CLOCK: variants seen among roughly 807,000 people sequenced by gnomAD.
CLOCK encodes circadian locomoter output cycles protein kaput.
In CLOCK, 43 loss-of-function variants were observed where a neutral mutation model predicts 118.4. The observed-to-expected ratio is 0.36, with a 90% CI of 0.28 to 0.47. CLOCK has a LOEUF of 0.47. CLOCK is among the 20% of genes least tolerant of loss of function. The pLI is 1.00. For missense variants in CLOCK, 846 were observed against 999.9 expected (o/e 0.85, Z 2.08); for synonymous variants, 326 against 339.2 (o/e 0.96, Z 0.43).
chr4:55,508,591 T>TA (rs1728951746), intron 2 of CLOCK, among the ~76,000 whole-genome samples: 1 of 117,410 alleles, frequency 8.5e-6, no homozygotes, highest in East Asian at 2.8e-4. Flanking sequence ...GCCACACGGG[T>TA]AAATTTTTTT....
In CLOCK at chr4:55,461,340, G is replaced by A. The variant is rs774267504; in HGVS notation, c.560-2079C>T. Among the ~76,000 whole-genome samples the A allele has an allele frequency of 8.7e-4, 133 of 152,174 alleles. 2 individuals are homozygous for A. The highest frequency in any genetic ancestry group is 4.7e-4 in the Non-Finnish European group (32 of 68,016). On this transcript the variant is annotated intron_variant, in intron 9 of 22. Coordinates refer to ENST00000513440, the MANE Select transcript of CLOCK (RefSeq NM_004898.4). ...TTTTTAATCTCCCAAACCAGATGAC[G>A]AAAGTGGCAGCAACTTTTATAAGCA...
At chr4:55,491,284 T>C (rs1252690591) in intron 2 of CLOCK, among the ~76,000 whole-genome samples, 1 of 136,386 alleles carries the variant, frequency 7.3e-6, no homozygotes, top group Non-Finnish European at 1.6e-5. Flanking sequence ...AATGCAACTT[T>C]ATACCTCAAA....
chr4:55,459,410 T>G (rs1162240481), intron 9 of CLOCK, 149 bp from the exon 10 acceptor site: 1 of 638,160 alleles, frequency 1.6e-6, no homozygotes, highest in South Asian at 1.9e-5. Flanking sequence ...TTCATAAAAG[T>G]AGAGCACCTT....
At chr4:55,522,491 A>C (rs1266102761) in intron 1 of CLOCK, among the ~76,000 whole-genome samples, 1 of 150,826 alleles carries the variant, frequency 6.6e-6, no homozygotes, top group East Asian at 1.9e-4. Context: ...ACCAGTAATA[A>C]ACTGTTTTTT....
intron 16 of CLOCK, 93 bp downstream of exon 16, chr4:55,449,998 T>G: frequency 6.9e-7 from 1 of 1,446,322 alleles, no homozygotes; most frequent in Non-Finnish European, 9.6e-7. Flanking sequence ...CTTATAATTT[T>G]AAAGAAGCGT....
chr4:55,488,392 G>A (rs1182988105), intron 3 of CLOCK, among the ~76,000 whole-genome samples: 1 of 152,120 alleles, frequency 6.6e-6, no homozygotes, highest in Non-Finnish European at 1.5e-5. Context: ...ATATCCAACT[G>A]CTTTTTAGAC....
At chr4:55,481,544 A>ATGG in intron 4 of CLOCK, among the ~76,000 whole-genome samples, 2 of 152,332 alleles carry the variant, frequency 1.3e-5, no homozygotes, top group East Asian at 3.9e-4. Flanking sequence ...AGCTATTGAC[A>ATGG]TGGTGCAGGC....
chr4:55,513,605 T>C (rs758533188), intron 1 of CLOCK, among the ~76,000 whole-genome samples: 5 of 152,156 alleles, frequency 3.3e-5, no homozygotes, highest in Non-Finnish European at 7.4e-5. Flanking sequence ...TTTTGTTCTT[T>C]TCTTTCAATT....
chr4:55,529,454 C>T lies in CLOCK; in HGVS notation c.-290+17328G>A, dbSNP rs140064263. Among the ~76,000 whole-genome samples, 997 of 152,184 alleles carry T rather than the reference C, an allele frequency of 6.6e-3. 17 individuals carry two copies. The highest frequency in any genetic ancestry group is 0.022 in the African/African-American group (927 of 41,496). ...TTATTAAAGGCATGAGCCACTATGTCCCACCCAGACCAAGACAAATAAATA... is the reference window on the plus strand; with the variant it reads ...TTATTAAAGGCATGAGCCACTATGTTCCACCCAGACCAAGACAAATAAATA... On this transcript the variant is annotated intron_variant, in intron 1 of 22. Coordinates refer to ENST00000513440, the MANE Select transcript of CLOCK (RefSeq NM_004898.4).
intron 1 of CLOCK, among the ~76,000 whole-genome samples, chr4:55,532,172 G>A (rs369830484): frequency 2.0e-5 from 3 of 151,966 alleles, no homozygotes; most frequent in Non-Finnish European, 2.9e-5. Context: ...AAACTACCTC[G>A]ACATAATAAA....
chr4:55,459,926 T>TTATA (rs1360988221), intron 9 of CLOCK, among the ~76,000 whole-genome samples: 2 of 152,160 alleles, frequency 1.3e-5, no homozygotes, highest in African/African-American at 4.8e-5. Context: ...AGTGGAGGGA[T>TTATA]TATAGGCGAG....
Position 55,432,855 on chromosome 4 carries a change from A to G in CLOCK, c.*2560T>C, listed in dbSNP as rs978615863. ...AAAATTTTAATTTTTTCCCCCGACTATTTGTGGAGATGGGAAATAATTGAA... is the reference window on the plus strand; with the variant it reads ...AAAATTTTAATTTTTTCCCCCGACTGTTTGTGGAGATGGGAAATAATTGAA... On this transcript the variant is annotated 3_prime_UTR_variant, in exon 23 of 23. Coordinates refer to ENST00000513440, the MANE Select transcript of CLOCK (RefSeq NM_004898.4). 5 of 152,440 alleles carry G rather than the reference A, an allele frequency of 3.3e-5. No individual in the cohort carries two copies. The highest frequency in any genetic ancestry group is 1.9e-4 in the East Asian group (1 of 5,184). The allele number at this position is 152,440 out of a possible 1,614,324, so 9.4% of individuals were successfully genotyped here.
chr4:55,540,223 G>A (rs1017177751), intron 1 of CLOCK, among the ~76,000 whole-genome samples: 2 of 151,932 alleles, frequency 1.3e-5, no homozygotes, highest in Non-Finnish European at 2.9e-5. Context: ...GGCCAGGCTG[G>A]TCTCAAACTC....
At chr4:55,438,814 CACAG>C (rs1723108646) in intron 21 of CLOCK, among the ~76,000 whole-genome samples, 1 of 152,190 alleles carries the variant, frequency 6.6e-6, no homozygotes, top group African/African-American at 2.4e-5. Context: ...TACCTCACAT[CACAG>C]ACAAAGATTA....
chr4:55,431,519 T>C lies in CLOCK; in HGVS notation c.*3896A>G, dbSNP rs1455596710. ...AAGTGCCTTTGTGCTGTTTCTTCTC[T>C]ACCATTCAAAAATTCCAATCAGCTT... On this transcript the variant is annotated 3_prime_UTR_variant, in exon 23 of 23. Transcript: ENST00000513440. 6.6e-6 allele frequency: 1 copy of C among 151,308 alleles called. No homozygotes were observed. Among genetic ancestry groups the C allele is most frequent in the Admixed American group, 6.5e-5 (1 of 15,276 alleles). 9.4% of individuals were successfully genotyped at this position (151,308 alleles called of 1,614,324 possible).
intron 9 of CLOCK, among the ~76,000 whole-genome samples, chr4:55,459,468 G>A (rs1357155391): frequency 1.3e-5 from 2 of 152,100 alleles, no homozygotes; most frequent in Non-Finnish European, 2.9e-5. Context: ...AGATTTTCTG[G>A]TGCAAACAAC....
Position 55,427,962 on chromosome 4 carries a change from C to A in CLOCK, c.*7453G>T, listed in dbSNP as rs1722303131. ...TTTAAAATCCAAAATGTGATTCTTACAAGTTATGTGCCACATGAAGCAGGT... is the reference window on the plus strand; with the variant it reads ...TTTAAAATCCAAAATGTGATTCTTAAAAGTTATGTGCCACATGAAGCAGGT... On this transcript the variant is annotated 3_prime_UTR_variant, in exon 23 of 23. Transcript: ENST00000513440. 1 of 152,154 alleles carries A rather than the reference C, an allele frequency of 6.6e-6. No individual in the cohort carries two copies. Among genetic ancestry groups the A allele is most frequent in the African/African-American group, 2.4e-5 (1 of 41,436 alleles). 9.4% of individuals were successfully genotyped at this position (152,154 alleles called of 1,614,324 possible).
At chr4:55,516,922 ACACTAAAC>A (rs1423726427) in intron 1 of CLOCK, among the ~76,000 whole-genome samples, 3 of 152,140 alleles carry the variant, frequency 2.0e-5, no homozygotes, top group Non-Finnish European at 4.4e-5. Context: ...CTTTCAAATA[ACACTAAAC>A]CACTTTATGG....
chr4:55,493,085 T>C (rs1025794042), intron 2 of CLOCK, among the ~76,000 whole-genome samples: 9 of 152,160 alleles, frequency 5.9e-5, no homozygotes, highest in Admixed American at 1.3e-4. Flanking sequence ...GCATTTTTTT[T>C]CTTTTTCTTT....
Sources: allele counts gnomAD v4.1 joint callset (sites outside exome capture counted in the v4.1 genomes callset), GRCh38; gene constraint gnomAD v4.1.1; transcripts MANE v1.5; gene names NCBI Gene and HGNC (gene_info 2026-07-23, HGNC 2026-07-21).